The following CDH13 variants were observed in gnomAD, a reference collection of about 807,000 sequenced individuals.
CDH13 encodes cadherin 13, also known as cadherin-13.
CDH13 carries 24 observed loss-of-function variants against 63.8 expected under a neutral mutation model. That is an observed-to-expected ratio of 0.38 (90% CI 0.27 to 0.53). The LOEUF (loss-of-function observed/expected upper bound fraction) is 0.53, where lower values mean the gene tolerates loss of function less well. CDH13 is among the 20% of genes least tolerant of loss of function. The pLI is 0.85. For synonymous variants in CDH13, 503 were observed against 355.3 expected (o/e 1.42, Z -4.67); for missense variants, 1,049 against 903.1 (o/e 1.16, Z -2.07).
chr16:83,663,236 C>G (rs745779399), intron 8 of CDH13, among the ~76,000 whole-genome samples: 17 of 152,120 alleles, frequency 1.1e-4, no homozygotes, highest in Admixed American at 1.0e-3. Context: ...TCACATGATA[C>G]AAAATGACTC....
chr16:83,365,852 T>C (rs2091248565), intron 6 of CDH13, among the ~76,000 whole-genome samples: 1 of 152,118 alleles, frequency 6.6e-6, no homozygotes, highest in African/African-American at 2.4e-5. Context: ...GTGTGAGAAA[T>C]AAATCCATTC....
intron 5 of CDH13, among the ~76,000 whole-genome samples, chr16:83,276,042 C>A (rs1320995499): frequency 6.6e-6 from 1 of 151,996 alleles, no homozygotes; most frequent in Non-Finnish European, 1.5e-5. Context: ...TAATTAGAAC[C>A]TGAACACCTA....
intron 7 of CDH13, among the ~76,000 whole-genome samples, chr16:83,591,880 C>A (rs1906789808): frequency 6.6e-6 from 1 of 152,202 alleles, no homozygotes; most frequent in Admixed American, 6.5e-5. Context: ...CCTTCTTATT[C>A]AATGACTACT....
At chr16:83,488,206 G>A (rs147699974) in intron 7 of CDH13, among the ~76,000 whole-genome samples, 1 of 152,322 alleles carries the variant, frequency 6.6e-6, no homozygotes, top group Non-Finnish European at 1.5e-5. Flanking sequence ...GTACCGGACA[G>A]TGCAGACCTA....
intron 1 of CDH13, among the ~76,000 whole-genome samples, chr16:82,687,401 G>T (rs773382938): frequency 9.9e-5 from 15 of 152,152 alleles, no homozygotes; most frequent in Non-Finnish European, 1.6e-4. Context: ...TGCTAATAAA[G>T]ACATACCTGA....
At chr16:82,997,109 G>C (rs937012112) in intron 2 of CDH13, among the ~76,000 whole-genome samples, 19 of 150,540 alleles carry the variant, frequency 1.3e-4, no homozygotes, top group African/African-American at 4.7e-4. Context: ...TGATGGTAGT[G>C]GTGGTGATGC....
intron 7 of CDH13, among the ~76,000 whole-genome samples, chr16:83,522,238 A>G (rs1187789513): frequency 6.6e-6 from 1 of 152,222 alleles, no homozygotes; most frequent in African/African-American, 2.4e-5. Flanking sequence ...GAAAGGCCAT[A>G]ACAGCTGCTT....
intron 11 of CDH13, among the ~76,000 whole-genome samples, chr16:83,777,728 A>G (rs369588601): frequency 3.9e-5 from 6 of 152,350 alleles, no homozygotes; most frequent in African/African-American, 1.2e-4. Context: ...TGCGTCCTGT[A>G]TGCCAACTTC....
chr16:83,399,218 T>C (rs16960361), intron 6 of CDH13, among the ~76,000 whole-genome samples: 4,539 of 152,326 alleles, frequency 0.03, 89 homozygotes, highest in East Asian at 0.13. Context: ...TTAGTTTTCT[T>C]GTCTAAACAG....
intron 10 of CDH13, among the ~76,000 whole-genome samples, chr16:83,720,917 C>G (rs1156645457): frequency 6.6e-6 from 1 of 152,182 alleles, no homozygotes; most frequent in Non-Finnish European, 1.5e-5. Flanking sequence ...ATGGACTGGC[C>G]TCTGGCAGAG....
At chr16:83,011,781 C>CA (rs1427863059) in intron 2 of CDH13, among the ~76,000 whole-genome samples, 3 of 152,280 alleles carry the variant, frequency 2.0e-5, no homozygotes, top group East Asian at 3.9e-4. Context: ...TTTACTCTCC[C>CA]AAACTTCTAC....
At chr16:83,257,492 A>G (rs2151832125) in intron 5 of CDH13, among the ~76,000 whole-genome samples, 2 of 152,278 alleles carry the variant, frequency 1.3e-5, no homozygotes, top group African/African-American at 4.8e-5. Flanking sequence ...TAGGTCCATG[A>G]TGTAGAAAGT....
At chr16:83,671,515 C>G (rs1387656677) in intron 9 of CDH13, among the ~76,000 whole-genome samples, 1 of 152,184 alleles carries the variant, frequency 6.6e-6, no homozygotes, top group Non-Finnish European at 1.5e-5. Flanking sequence ...TCCCAAAATG[C>G]TGGAGTTACA....
intron 5 of CDH13, among the ~76,000 whole-genome samples, chr16:83,233,072 GC>G (rs1293784630): frequency 2.6e-5 from 4 of 152,142 alleles, no homozygotes; most frequent in Non-Finnish European, 4.4e-5. Context: ...TGGCGGCAGG[GC>G]CAGCTTTAGG....
chr16:82,923,716 C>T (rs1199764797), intron 2 of CDH13, among the ~76,000 whole-genome samples: 1 of 152,214 alleles, frequency 6.6e-6, no homozygotes, highest in Non-Finnish European at 1.5e-5. Context: ...CTGATACATG[C>T]AGTGAAGCGG....
At chr16:83,512,648 A>G (rs1168651318) in intron 7 of CDH13, among the ~76,000 whole-genome samples, 1 of 150,616 alleles carries the variant, frequency 6.6e-6, no homozygotes, top group Non-Finnish European at 1.5e-5. Context: ...AGCCTTGGCA[A>G]CAGAGTGAGA....
intron 11 of CDH13, among the ~76,000 whole-genome samples, chr16:83,764,426 A>G (rs1914220921): frequency 6.6e-6 from 1 of 152,186 alleles, no homozygotes; most frequent in African/African-American, 2.4e-5. Context: ...ATTTTCATTC[A>G]TTTTTTATGC....
intron 1 of CDH13, among the ~76,000 whole-genome samples, chr16:82,696,795 A>G (rs575360683): frequency 6.6e-6 from 1 of 152,298 alleles, no homozygotes; most frequent in South Asian, 2.1e-4. Flanking sequence ...GAAACATTGC[A>G]ATGAGGTACT....
chr16:82,734,166 C>T (rs1171470320), intron 1 of CDH13, among the ~76,000 whole-genome samples: 3 of 152,244 alleles, frequency 2.0e-5, no homozygotes, highest in Non-Finnish European at 4.4e-5. Context: ...CCAACTTTGG[C>T]CCACTACTTG....
Sources: allele counts gnomAD v4.1 joint callset (sites outside exome capture counted in the v4.1 genomes callset), GRCh38; gene constraint gnomAD v4.1.1; transcripts MANE v1.5; gene names NCBI Gene and HGNC (gene_info 2026-07-23, HGNC 2026-07-21).